HECW1: variants seen among roughly 807,000 people sequenced by gnomAD.
HECW1 encodes the protein HECT, C2 and WW domain containing E3 ubiquitin protein ligase 1.
HECW1 carries 61 observed loss-of-function variants against 182.3 expected under a neutral mutation model. The observed-to-expected ratio is 0.33, with a 90% CI of 0.27 to 0.41. HECW1 has a LOEUF of 0.41. Ranked by LOEUF, HECW1 falls within the 10% of genes least tolerant of loss-of-function variation. HECW1 has a pLI of 1.00. For missense variants in HECW1, 1,739 were observed against 2,108.9 expected, an observed-to-expected ratio of 0.82 and a Z score of 3.44; for synonymous variants, 859 against 832.6, an observed-to-expected ratio of 1.03 and a Z score of -0.55.
At chr7:43,394,455 AAAG>A (rs1369237078) in intron 6 of HECW1, among the ~76,000 whole-genome samples, 1 of 152,206 alleles carries the variant, frequency 6.6e-6, no homozygotes, top group East Asian at 1.9e-4. Flanking sequence ...TATTGCCAGG[AAAG>A]AAGGCTTTTT....
chr7:43,129,642 A>T (rs1786683029), intron 2 of HECW1, among the ~76,000 whole-genome samples: 1 of 152,186 alleles, frequency 6.6e-6, no homozygotes, highest in Admixed American at 6.5e-5. Context: ...AACAAAACGG[A>T]TAAAGGACAA....
At chr7:43,543,456 T>C (rs1186384208) in intron 26 of HECW1, among the ~76,000 whole-genome samples, 2 of 152,182 alleles carry the variant, frequency 1.3e-5, no homozygotes, top group Admixed American at 1.3e-4. Flanking sequence ...CCTACAACTC[T>C]GGAGAGCACA....
chr7:43,172,917 TCA>T (rs1791837063), intron 2 of HECW1, among the ~76,000 whole-genome samples: 1 of 152,202 alleles, frequency 6.6e-6, no homozygotes, highest in African/African-American at 2.4e-5. Flanking sequence ...CTAGACCATT[TCA>T]CATTCGTTTG....
chr7:43,477,225 A>G (rs1442531001), intron 16 of HECW1, among the ~76,000 whole-genome samples: 1 of 152,212 alleles, frequency 6.6e-6, no homozygotes, highest in Non-Finnish European at 1.5e-5. Flanking sequence ...TGGTAACATG[A>G]TAGATCTGGA....
At chr7:43,446,218 G>A (rs985420791) in intron 11 of HECW1, among the ~76,000 whole-genome samples, 1 of 152,254 alleles carries the variant, frequency 6.6e-6, no homozygotes, top group South Asian at 2.1e-4. Context: ...ACATGATTGT[G>A]TATAAATGAC....
Position 43,479,605 on chromosome 7 carries a change from C to A in HECW1, c.3100-5C>A. ...CGGTGCTTTTTTTCACTGGTCTGTTCGCAGTCTTTTTTCGTGGACCACAAC... is the reference window on the plus strand; with the variant it reads ...CGGTGCTTTTTTTCACTGGTCTGTTAGCAGTCTTTTTTCGTGGACCACAAC... On this transcript the variant is annotated splice_region_variant and splice_polypyrimidine_tract_variant and intron_variant, in intron 16 of 29. Coordinates refer to ENST00000395891, the MANE Select transcript of HECW1 (RefSeq NM_015052.5). 1 of 1,613,978 alleles carries A rather than the reference C, an allele frequency of 6.2e-7. No individual in the cohort carries two copies. The highest frequency in any genetic ancestry group is 8.5e-7 in the Non-Finnish European group (1 of 1,179,948).
intron 2 of HECW1, among the ~76,000 whole-genome samples, chr7:43,192,247 C>T (rs1793994001): frequency 6.6e-6 from 1 of 152,196 alleles, no homozygotes. Context: ...GCGTGAGCCA[C>T]CACGCCTGGC....
chr7:43,416,297 G>A (rs1330341893), intron 8 of HECW1, among the ~76,000 whole-genome samples: 1 of 151,272 alleles, frequency 6.6e-6, no homozygotes, highest in Admixed American at 6.6e-5. Context: ...TGTGTGAGGT[G>A]TCAGTGTGCC....
At chr7:43,180,666 A>T (rs1268052980) in intron 2 of HECW1, among the ~76,000 whole-genome samples, 4 of 152,218 alleles carry the variant, frequency 2.6e-5, no homozygotes, top group African/African-American at 9.6e-5. Context: ...AAGTGCTGGG[A>T]TTACGGGCGT....
intron 8 of HECW1, among the ~76,000 whole-genome samples, chr7:43,430,918 A>C (rs2076529382): frequency 6.6e-6 from 1 of 151,330 alleles, no homozygotes; most frequent in South Asian, 2.1e-4. Flanking sequence ...AGTAGCTGGG[A>C]TTACAGGCGC....
chr7:43,287,578 T>G (rs895556675), intron 3 of HECW1, among the ~76,000 whole-genome samples: 4 of 152,192 alleles, frequency 2.6e-5, no homozygotes, highest in African/African-American at 4.8e-5. Context: ...CCTAGAGTGA[T>G]CCTCCTGCCT....
chr7:43,371,753 G>A (rs1172249570), intron 6 of HECW1, among the ~76,000 whole-genome samples: 1 of 152,178 alleles, frequency 6.6e-6, no homozygotes, highest in East Asian at 1.9e-4. Context: ...CACTCTAACG[G>A]CAAAAGCAGC....
chr7:43,320,645 G>T lies in HECW1; in HGVS notation c.363G>T (p.Leu121Phe). ...CCTCTGGGAATATAGATGAGGTCTT[G>T]TCCGAAAACTTTCTGGACTATAAAA... ...WIGMYLIDEV[L>F]SENFLDYKNR... is the part of the protein sequence containing the mutation. Residue 121 changes from leucine to phenylalanine, a missense_variant, in exon 5 of 30, where the codon TTG (leucine) becomes TTT (phenylalanine). Around this residue, in one of 5 missense-constraint regions of HECW1, gnomAD observed 279 missense variants for 353.1 expected, o/e 0.79. Coordinates refer to ENST00000395891, the MANE Select transcript of HECW1 (RefSeq NM_015052.5). The T allele has an allele frequency of 6.2e-7, 1 of 1,613,028 alleles. No individual in the cohort carries two copies. Among genetic ancestry groups the T allele is most frequent in the Non-Finnish European group, 8.5e-7 (1 of 1,179,028 alleles).
At chr7:43,186,807 G>C (rs1793457060) in intron 2 of HECW1, among the ~76,000 whole-genome samples, 1 of 152,186 alleles carries the variant, frequency 6.6e-6, no homozygotes, top group Non-Finnish European at 1.5e-5. Context: ...ATGCTGTGCA[G>C]GTTTTCAGCC....
intron 19 of HECW1, among the ~76,000 whole-genome samples, chr7:43,493,615 T>C (rs1049497242): frequency 4.6e-5 from 7 of 152,366 alleles, no homozygotes; most frequent in Middle Eastern, 3.4e-3. Flanking sequence ...TTACATCTTA[T>C]GCTTCATTAG....
At chr7:43,375,190 A>G (rs960082949) in intron 6 of HECW1, among the ~76,000 whole-genome samples, 1 of 152,248 alleles carries the variant, frequency 6.6e-6, no homozygotes, top group Non-Finnish European at 1.5e-5. Context: ...TGCTATAAAC[A>G]AACAGGAGAA....
chr7:43,275,267 TTTAA>T (rs1802975697), intron 3 of HECW1, among the ~76,000 whole-genome samples: 1 of 152,204 alleles, frequency 6.6e-6, no homozygotes, highest in Non-Finnish European at 1.5e-5. Flanking sequence ...CCTAAGACTA[TTTAA>T]TAAAATAAAA....
chr7:43,124,667 G>C (rs1786017146), intron 2 of HECW1, among the ~76,000 whole-genome samples: 3 of 152,150 alleles, frequency 2.0e-5, no homozygotes, highest in Non-Finnish European at 4.4e-5. Flanking sequence ...ATCAACGATC[G>C]AGGTGCAAAG....
intron 29 of HECW1, among the ~76,000 whole-genome samples, chr7:43,560,373 C>T (rs1326265251): frequency 6.6e-6 from 1 of 152,172 alleles, no homozygotes; most frequent in Admixed American, 6.5e-5. Flanking sequence ...TCGTATGTTT[C>T]TTCCCAGTTA....
Sources: gnomAD v4.1 joint callset for allele counts (sites outside exome capture counted in the v4.1 genomes callset) on GRCh38, gnomAD v4.1.1 for gene constraint, gnomAD v4.1.1 regional missense constraint, MANE v1.5 for transcripts, NCBI Gene and HGNC (gene_info 2026-07-23, HGNC 2026-07-21) for gene names.